The following SLC44A3 variants were observed in gnomAD, a reference collection of about 807,000 sequenced individuals.
The protein encoded by SLC44A3 is solute carrier family 44 member 3.
A neutral mutation model predicts 75.4 loss-of-function variants in SLC44A3; 74 were observed. The observed-to-expected ratio is 0.98, with a 90% confidence interval of 0.81 to 1.19. The LOEUF (loss-of-function observed/expected upper bound fraction) is 1.19. SLC44A3 is among the 50% of genes most tolerant of loss of function. SLC44A3 has a pLI of 0.00. For missense variants in SLC44A3, 700 were observed against 778.6 expected (o/e 0.90, Z 1.20); for synonymous variants, 310 against 296.9 (o/e 1.04, Z -0.45).
chr1:94,891,838 A>G (rs917588068), intron 13 of SLC44A3, among the ~76,000 whole-genome samples: 1 of 151,986 alleles, frequency 6.6e-6, no homozygotes, highest in Middle Eastern at 3.2e-3. Context: ...CAGGAGAATC[A>G]CTTGAACCTG....
Position 94,892,390 on chromosome 1 carries a change from T to A in SLC44A3, c.1730T>A (p.Leu577Ter), listed in dbSNP as rs2101688269. The A allele has an allele frequency of 6.2e-7, 1 of 1,614,222 alleles. No homozygotes were observed. The highest frequency in any genetic ancestry group is 1.1e-5 in the South Asian group (1 of 91,080). The change falls in exon 14 of 15, where the codon TTA becomes TAA. Residue 577 changes from leucine (L) to a stop codon, truncating the protein, a stop_gained. Transcript: ENST00000271227. LOFTEE classifies it high-confidence loss of function. ...PLLLVAFFAY[L>*]VAHSFLSVFE... ...TTATTGGTAGCTTTTTTTGCCTACT[T>A]AGTAGCCCATAGTTTTTTATCTGTG...
intron 9 of SLC44A3, among the ~76,000 whole-genome samples, chr1:94,849,274 G>A (rs549991284): frequency 2.8e-4 from 42 of 152,272 alleles, no homozygotes; most frequent in Admixed American, 7.2e-4. Context: ...TGGGTGCCCC[G>A]GACCTATGGG....
At chr1:94,828,645 G>A (rs1661704279) in intron 5 of SLC44A3, 59 bp downstream of exon 5, 3 of 1,454,630 alleles carry the variant, frequency 2.1e-6, no homozygotes, top group Non-Finnish European at 1.9e-6. Flanking sequence ...TACTTGGTGT[G>A]CATCTGTTAC....
chr1:94,868,542 TG>T (rs959748385), intron 12 of SLC44A3, among the ~76,000 whole-genome samples: 5 of 152,020 alleles, frequency 3.3e-5, no homozygotes, highest in African/African-American at 9.7e-5. Context: ...CCTTTCAGAA[TG>T]GGGGGGAACA....
chr1:94,864,189 C>T (rs551498656), intron 10 of SLC44A3, among the ~76,000 whole-genome samples: 1 of 152,106 alleles, frequency 6.6e-6, no homozygotes, highest in African/African-American at 2.4e-5. Context: ...ACTGAAGTGA[C>T]CTTTAAAGAG....
chr1:94,888,546 A>T, intron 12 of SLC44A3: 1 of 436,802 alleles, frequency 2.3e-6, no homozygotes, highest in Non-Finnish European at 3.0e-6. Context: ...CCCAAACTGG[A>T]GCAGCTTTCC....
intron 12 of SLC44A3, among the ~76,000 whole-genome samples, chr1:94,869,236 C>T (rs1473008606): frequency 6.6e-6 from 1 of 152,222 alleles, no homozygotes; most frequent in Admixed American, 6.5e-5. Context: ...CTTGGTAATT[C>T]AAAATGTTTC....
In SLC44A3 at chr1:94,845,425, G is replaced by T. The variant is rs1243088126; in HGVS notation, c.1033G>T (p.Val345Phe). The part of the protein sequence containing the change: ...WTFAILIFFW[V>F]LWVAVLLSLG... ...ATTTGCCATCCTCATTTTCTTCTGG[G>T]TCCTCTGGGTGGCTGTGCTGCTGAG... The change falls in exon 9 of 15, where the codon GTC (valine) becomes TTC (phenylalanine). Residue 345 changes from valine (V) to phenylalanine (F), a missense_variant. By Grantham distance (50) the Val-to-Phe change is conservative. Transcript: ENST00000271227. The T allele has an allele frequency of 6.2e-7, 1 of 1,613,564 alleles. No individual in the cohort carries two copies. The highest frequency in any genetic ancestry group is 1.7e-5 in the Admixed American group (1 of 59,992).
chr1:94,839,486 T>C (rs1423187438), intron 6 of SLC44A3, among the ~76,000 whole-genome samples: 1 of 152,114 alleles, frequency 6.6e-6, no homozygotes, highest in Non-Finnish European at 1.5e-5. Context: ...CCACCCGGGT[T>C]CAAGCGATTC....
Position 94,874,630 on chromosome 1 carries a change from A to T in SLC44A3, c.1482+7213A>T, listed in dbSNP as rs115759805. Among the ~76,000 whole-genome samples the T allele has an allele frequency of 3.7e-3, 570 of 152,316 alleles. 6 individuals carry two copies. The highest frequency in any genetic ancestry group is 0.013 in the African/African-American group (541 of 41,562). The stretch of plus-strand genomic sequence containing the variant: ...TGAGTGGTCAGTGCAAATGACTTCG[A>T]CTTCCTCCTAAGTGTGCGGCTCCCG... On this transcript the variant is annotated intron_variant, in intron 12 of 14. Coordinates refer to ENST00000271227, the MANE Select transcript of SLC44A3 (RefSeq NM_001114106.3).
Position 94,820,467 on chromosome 1 carries a change from G to A in SLC44A3, c.16G>A (p.Ala6Thr), listed in dbSNP as rs1660389581. The change falls in exon 1 of 15, where the codon GCC (alanine) becomes ACC (threonine). Residue 6 changes from alanine to threonine, a missense_variant. Coordinates refer to ENST00000271227, the MANE Select transcript of SLC44A3 (RefSeq NM_001114106.3). MHCLGAEYLVSAEGAP... is the reference protein window; with the variant it reads MHCLGTEYLVSAEGAP... ...CGAGCGCACGATGCACTGCCTGGGC[G>A]CCGAGTACCTGGTAAGCGCTCGCAG... 3 of 1,494,744 alleles carry A rather than the reference G, an allele frequency of 2.0e-6. No homozygotes were observed. The highest frequency in any genetic ancestry group is 2.7e-6 in the Non-Finnish European group (3 of 1,125,940). The allele number at this position is 1,494,744 out of a possible 1,614,324, so 92.6% of individuals were successfully genotyped here.
Position 94,878,270 on chromosome 1 carries a change from A to C in SLC44A3, c.1482+10853A>C, listed in dbSNP as rs904759242. Among the ~76,000 whole-genome samples, 12 of 145,080 alleles carry C rather than the reference A, an allele frequency of 8.3e-5. 1 individual carries two copies. The highest frequency in any genetic ancestry group is 2.5e-4 in the African/African-American group (10 of 40,096). Reference sequence around the variant, plus strand: ...AAACAAACAAACAAACAAAAAAAAAACAGAGAAACTTGGTTGGGGCCCAAA... The same window carrying C: ...AAACAAACAAACAAACAAAAAAAAACCAGAGAAACTTGGTTGGGGCCCAAA... On this transcript the variant is annotated intron_variant, in intron 12 of 14. Coordinates refer to ENST00000271227, the MANE Select transcript of SLC44A3 (RefSeq NM_001114106.3).
intron 11 of SLC44A3, 49 bp downstream of exon 11, chr1:94,864,948 A>C: frequency 6.3e-7 from 1 of 1,585,978 alleles, no homozygotes; most frequent in Non-Finnish European, 8.6e-7. Context: ...GGGTTGCCAG[A>C]AACTTAATTA....
chr1:94,837,903 G>T, intron 6 of SLC44A3, 32 bp downstream of exon 6: 2 of 1,541,344 alleles, frequency 1.3e-6, no homozygotes, highest in Non-Finnish European at 1.7e-6. Flanking sequence ...TTTAATAGTT[G>T]TTTATGGAAT....
intron 3 of SLC44A3, chr1:94,825,852 A>T: frequency 2.2e-6 from 1 of 456,246 alleles, no homozygotes; most frequent in Non-Finnish European, 4.4e-6. Context: ...CAAAGAAGAC[A>T]GGAGGAGGAA....
chr1:94,827,638 C>T lies in SLC44A3; in HGVS notation c.410C>T (p.Thr137Ile). The T allele has an allele frequency of 1.2e-6, 2 of 1,614,134 alleles. No individual in the cohort carries two copies. The highest frequency in any genetic ancestry group is 1.7e-6 in the Non-Finnish European group (2 of 1,180,020). Reference protein sequence around the residue: ...SLEEVQFFANTSGSFLCVYSL... With the variant: ...SLEEVQFFANISGSFLCVYSL... Reference sequence around the variant, plus strand: ...GAAGAGGTCCAGTTCTTTGCAAACACCAGTGGTAGGCACTAAGGCCTGGTT... The same window carrying T: ...GAAGAGGTCCAGTTCTTTGCAAACATCAGTGGTAGGCACTAAGGCCTGGTT... Residue 137 changes from threonine to isoleucine, a missense_variant, in exon 4 of 15, where the codon ACC becomes ATC. By Grantham distance (89) the Thr-to-Ile change is moderately conservative. Coordinates refer to ENST00000271227, the MANE Select transcript of SLC44A3 (RefSeq NM_001114106.3).
rs1371926346 is a variant in SLC44A3 at position 94,891,150 on chromosome 1, T to C, written c.1503T>C (p.Ala501=). The C allele has an allele frequency of 6.2e-7, 1 of 1,609,980 alleles. No homozygotes were observed. The highest frequency in any genetic ancestry group is 8.5e-7 in the Non-Finnish European group (1 of 1,178,790). ...HLNQNAYTTT[A]INGTDFCTSA... ...TTCAGAATGCATATACTACAACTGC[T>C]ATTAATGGGACAGATTTCTGTACAT... is the stretch of plus-strand genomic sequence containing the variant. Residue 501 remains alanine, a synonymous_variant, in exon 13 of 15, where the codon GCT becomes GCC. Transcript: ENST00000271227.
chr1:94,845,238 A>T, intron 8 of SLC44A3, 40 bp from the exon 9 acceptor site: 3 of 1,551,290 alleles, frequency 1.9e-6, no homozygotes, highest in Non-Finnish European at 2.6e-6. Context: ...CCAGTTCTCC[A>T]TTATTTGGAA....
chr1:94,825,781 T>G, intron 3 of SLC44A3: 1 of 455,462 alleles, frequency 2.2e-6, no homozygotes, highest in South Asian at 1.6e-5. Flanking sequence ...AGGGGGCTCT[T>G]GCTCTTTCTG....
Sources: allele counts gnomAD v4.1 joint callset (sites outside exome capture counted in the v4.1 genomes callset), GRCh38; gene constraint gnomAD v4.1.1; transcripts MANE v1.5; gene names NCBI Gene and HGNC (gene_info 2026-07-23, HGNC 2026-07-21).